Variants in FOXP1 observed in about 807,000 individuals in gnomAD.
FOXP1 encodes the protein forkhead box protein P1.
Under a neutral mutation model 98.2 loss-of-function variants are expected in FOXP1, and 15 were observed. The ratio of observed to expected loss-of-function variants is 0.15; its 90% CI spans 0.10 to 0.24. FOXP1 has a LOEUF of 0.24. Ranked by LOEUF, FOXP1 falls within the 10% of genes least tolerant of loss-of-function variation. The pLI, the probability that FOXP1 is intolerant of heterozygous loss-of-function variation, is 1.00. For synonymous variants in FOXP1, 371 were observed against 314.5 expected, an observed-to-expected ratio of 1.18 and a Z score of -1.90; for missense variants, 633 against 848.5, an observed-to-expected ratio of 0.75 and a Z score of 3.15.
At chr3:71,414,221 G>A (rs545858518) in intron 3 of FOXP1, among the ~76,000 whole-genome samples, 12 of 152,328 alleles carry the variant, frequency 7.9e-5, no homozygotes, top group African/African-American at 2.9e-4. Flanking sequence ...TGCGGAACGT[G>A]ATGGGGATTT....
At chr3:71,563,027 C>G (rs1371433710) in intron 2 of FOXP1, among the ~76,000 whole-genome samples, 1 of 152,098 alleles carries the variant, frequency 6.6e-6, no homozygotes, top group African/African-American at 2.4e-5. Flanking sequence ...TGTGAGCCTG[C>G]TGAGGTTGGA....
At position 70,965,874 on chromosome 3, in the gene FOXP1, G is replaced by A. The variant is rs959143003; in HGVS notation, c.1889+16C>T. On this transcript the variant is annotated intron_variant, in intron 20 of 20. Transcript: ENST00000649528. The stretch of plus-strand genomic sequence containing the variant: ...AGGGTCAGATAGCAAAGACCTGTTG[G>A]GTGGACAATACTCACACGGCTTGCA... 2.5e-6 allele frequency: 4 copies of A among 1,613,062 alleles called. No individual in the cohort carries two copies. The highest frequency in any genetic ancestry group is 2.7e-5 in the African/African-American group (2 of 74,852).
chr3:71,506,560 GCTA>G (rs1473262875), intron 2 of FOXP1, among the ~76,000 whole-genome samples: 11 of 152,178 alleles, frequency 7.2e-5, no homozygotes, highest in Non-Finnish European at 1.6e-4. Flanking sequence ...GTACCAGGCA[GCTA>G]CTACGTCTGC....
intron 12 of FOXP1, among the ~76,000 whole-genome samples, chr3:71,008,090 A>G (rs1289147580): frequency 6.6e-6 from 1 of 152,206 alleles, no homozygotes; most frequent in Non-Finnish European, 1.5e-5. Flanking sequence ...TAGACGTTAT[A>G]CAAGTGGTCA....
At chr3:71,032,606 T>C (rs959913533) in intron 11 of FOXP1, among the ~76,000 whole-genome samples, 4 of 152,168 alleles carry the variant, frequency 2.6e-5, no homozygotes, top group Non-Finnish European at 4.4e-5. Flanking sequence ...CTCATTTGCA[T>C]TGCCCCAGTG....
chr3:71,530,844 G>A (rs888423176), intron 2 of FOXP1, among the ~76,000 whole-genome samples: 6 of 152,140 alleles, frequency 3.9e-5, no homozygotes, highest in Non-Finnish European at 8.8e-5. Context: ...AGCCTGTATG[G>A]AGGGGTCAAT....
At chr3:71,479,980 G>A (rs1410703559) in intron 3 of FOXP1, among the ~76,000 whole-genome samples, 3 of 152,012 alleles carry the variant, frequency 2.0e-5, no homozygotes, top group Admixed American at 6.6e-5. Context: ...GGCAGATCAC[G>A]AGGTCAGGAG....
rs1354993897 is a variant in FOXP1 at position 71,388,305 on chromosome 3, A to C, written c.-167-29061T>G. 1.3e-5 allele frequency among the ~76,000 whole-genome samples: 2 copies of C among 152,212 alleles called. 1 individual carries two copies. The highest frequency in any genetic ancestry group is 4.8e-5 in the African/African-American group (2 of 41,460). On this transcript the variant is annotated intron_variant, in intron 3 of 20. Transcript: ENST00000649528. ...AAGCAGCTTAAATGTTAAACGGCCC[A>C]ATTGTCTTACCTAGCAGTGATTTGA...
At chr3:71,130,604 G>C in intron 6 of FOXP1, 1 of 1,598,372 alleles carries the variant, frequency 6.3e-7, no homozygotes, top group Non-Finnish European at 8.5e-7. Flanking sequence ...GGGGGTTGCC[G>C]AGTGGTAAAA....
At chr3:71,247,555 A>C (rs2067850668) in intron 5 of FOXP1, among the ~76,000 whole-genome samples, 2 of 152,188 alleles carry the variant, frequency 1.3e-5, no homozygotes, top group Admixed American at 1.3e-4. Flanking sequence ...AGGGCCTGCG[A>C]GCGACTTTGG....
In FOXP1 at chr3:71,294,028, G is replaced by A. The variant is rs544768719; in HGVS notation, c.-12+5792C>T. ...TGAAAGAATCCAGTCACAAAAGGAT[G>A]TGGGATTCCATTTCTATGAAACGTC... On this transcript the variant is annotated intron_variant, in intron 5 of 20. Coordinates refer to ENST00000649528, the MANE Select transcript of FOXP1 (RefSeq NM_001349338.3). Among the ~76,000 whole-genome samples the A allele has an allele frequency of 2.0e-5, 3 of 152,340 alleles. 1 individual carries two copies. The South Asian group carries it at 6.2e-4, about 32-fold the overall frequency.
At chr3:71,484,155 T>C (rs1453892100) in intron 3 of FOXP1, among the ~76,000 whole-genome samples, 1 of 152,144 alleles carries the variant, frequency 6.6e-6, no homozygotes, top group Non-Finnish European at 1.5e-5. Context: ...AATATGCATA[T>C]CCATAGTCTG....
intron 3 of FOXP1, among the ~76,000 whole-genome samples, chr3:71,491,110 G>C (rs2091030782): frequency 6.6e-6 from 1 of 152,134 alleles, no homozygotes; most frequent in Non-Finnish European, 1.5e-5. Flanking sequence ...CCACCTCCTG[G>C]GTTCAAGGAA....
intron 14 of FOXP1, among the ~76,000 whole-genome samples, chr3:70,978,437 C>G (rs1476088941): frequency 1.3e-5 from 2 of 152,112 alleles, no homozygotes; most frequent in Non-Finnish European, 2.9e-5. Context: ...TTAGGTGACA[C>G]CAGTTGGGAT....
chr3:71,169,782 GC>G lies in FOXP1; in HGVS notation c.180+28419del, dbSNP rs761767357. On this transcript the variant is annotated intron_variant, in intron 6 of 20. Transcript: ENST00000649528. ...TTAATTACTGGCTAAAAAATTACTG[GC>G]AAAAAAAAAAAAAAAAGATTTTTTG... 1.4e-3 allele frequency among the ~76,000 whole-genome samples: 191 copies of G among 132,026 alleles called. 1 individual carries two copies. The highest frequency in any genetic ancestry group is 7.7e-3 in the Middle Eastern group (2 of 260). 86.6% of individuals were successfully genotyped at this position (132,026 alleles called of 152,430 possible).
intron 12 of FOXP1, among the ~76,000 whole-genome samples, chr3:71,002,599 C>G (rs1406686491): frequency 6.6e-6 from 1 of 152,156 alleles, no homozygotes; most frequent in East Asian, 1.9e-4. Flanking sequence ...TTCAGGTGTT[C>G]TTAAACTGGG....
intron 3 of FOXP1, among the ~76,000 whole-genome samples, chr3:71,374,289 G>T (rs2079552073): frequency 6.6e-6 from 1 of 152,082 alleles, no homozygotes; most frequent in African/African-American, 2.4e-5. Flanking sequence ...TTCAGAATTT[G>T]CATTCTATAA....
chr3:71,236,470 G>C (rs756809113), intron 5 of FOXP1, among the ~76,000 whole-genome samples: 10 of 152,204 alleles, frequency 6.6e-5, no homozygotes, highest in Admixed American at 6.5e-4. Context: ...CCTGTCTACA[G>C]AGATATCATG....
At chr3:71,104,619 T>G (rs1490699040) in intron 7 of FOXP1, among the ~76,000 whole-genome samples, 1 of 152,186 alleles carries the variant, frequency 6.6e-6, no homozygotes, top group East Asian at 1.9e-4. Context: ...AGTTCTGAAT[T>G]CTGTTCTGCA....
Sources: allele counts gnomAD v4.1 joint callset (sites outside exome capture counted in the v4.1 genomes callset), GRCh38; gene constraint gnomAD v4.1.1; transcripts MANE v1.5; gene names NCBI Gene and HGNC (gene_info 2026-07-23, HGNC 2026-07-21).